The following BACH2 variants were observed in gnomAD, a reference collection of about 807,000 sequenced individuals.
BACH2 encodes BACH transcriptional regulator 2.
In BACH2, 5 loss-of-function variants were observed where a neutral mutation model predicts 61.8. The ratio of observed to expected loss-of-function variants is 0.08; its 90% CI spans 0.04 to 0.17. The LOEUF (loss-of-function observed/expected upper bound fraction) is 0.17. BACH2 is among the 10% of genes least tolerant of loss of function. The probability of loss-of-function intolerance (pLI) is 1.00; values close to 1 mark genes in which losing one functional copy is unlikely to be tolerated. For synonymous variants in BACH2, 446 were observed against 440.1 expected, an observed-to-expected ratio of 1.01 and a Z score of -0.17; for missense variants, 824 against 1,091.1, an observed-to-expected ratio of 0.76 and a Z score of 3.45.
chr6:90,009,068 C>G (rs1777566663), intron 5 of BACH2, among the ~76,000 whole-genome samples: 1 of 152,188 alleles, frequency 6.6e-6, no homozygotes, highest in Admixed American at 6.5e-5. Flanking sequence ...AGTTCCACAG[C>G]TGACTTTTAT....
intron 3 of BACH2, among the ~76,000 whole-genome samples, chr6:90,223,886 T>G (rs1313704428): frequency 6.6e-6 from 1 of 152,204 alleles, no homozygotes; most frequent in East Asian, 1.9e-4. Context: ...TAACACTATC[T>G]GAATCTCTGC....
rs546665187 is a variant in BACH2, at chr6:90,019,419, T to C, written c.-12-10563A>G. ...GACCAGGCATGTTTGGGGCTTTTGG[T>C]TTAGCTCCAGCATTGACCAACTTTG... On this transcript the variant is annotated intron_variant, in intron 5 of 8. Coordinates refer to ENST00000257749, the MANE Select transcript of BACH2 (RefSeq NM_021813.4). Among the ~76,000 whole-genome samples, 418 of 152,296 alleles carry C rather than the reference T, an allele frequency of 2.7e-3. 3 individuals are homozygous for C. Among genetic ancestry groups the C allele is most frequent in the Non-Finnish European group, 2.4e-3 (161 of 68,030 alleles).
chr6:90,188,760 G>GAAAAAAAAAAA (rs57618295), intron 4 of BACH2, among the ~76,000 whole-genome samples: 2 of 78,750 alleles, frequency 2.5e-5, no homozygotes, highest in African/African-American at 4.6e-5. Context: ...GCCCCAAAAT[G>GAAAAAAAAAAA]AAAAAAAAAA....
At chr6:90,230,653 T>C (rs551489846) in intron 3 of BACH2, among the ~76,000 whole-genome samples, 3 of 152,328 alleles carry the variant, frequency 2.0e-5, no homozygotes, top group East Asian at 1.9e-4. Flanking sequence ...CCACTAACAA[T>C]GAACGGTACT....
Position 90,235,972 on chromosome 6 carries a change from GAACT to G in BACH2, c.-275+16537_-275+16540del, listed in dbSNP as rs573061815. Among the ~76,000 whole-genome samples, 26 of 152,314 alleles carry G rather than the reference GAACT, an allele frequency of 1.7e-4. No homozygotes were observed. In the South Asian group the frequency reaches 4.8e-3, roughly 28 times the overall value. ...TCTTGCAAGTCACATCTCTCAAAAA[GAACT>G]AATAAAACTGATTTTGGTCCTGTGG... On this transcript the variant is annotated intron_variant, in intron 3 of 8. Transcript: ENST00000257749.
chr6:90,202,395 G>T (rs1391746750), intron 4 of BACH2, among the ~76,000 whole-genome samples: 1 of 152,192 alleles, frequency 6.6e-6, no homozygotes, highest in Non-Finnish European at 1.5e-5. Flanking sequence ...ACCTGGGACA[G>T]TAGGATGTGG....
At chr6:90,171,473 T>C (rs1446986151) in intron 4 of BACH2, among the ~76,000 whole-genome samples, 1 of 150,816 alleles carries the variant, frequency 6.6e-6, no homozygotes, top group Non-Finnish European at 1.5e-5. Flanking sequence ...AGAAATTACA[T>C]ATCCATGTGC....
intron 4 of BACH2, among the ~76,000 whole-genome samples, chr6:90,191,022 G>A (rs2127844656): frequency 6.6e-6 from 1 of 152,352 alleles, no homozygotes; most frequent in South Asian, 2.1e-4. Context: ...AAGGTGAAGT[G>A]TTTCAAGAGG....
intron 4 of BACH2, among the ~76,000 whole-genome samples, chr6:90,164,603 A>G (rs1275965778): frequency 6.6e-6 from 1 of 152,226 alleles, no homozygotes; most frequent in Non-Finnish European, 1.5e-5. Context: ...TGGCAGAGTC[A>G]CAACCAAAAA....
At chr6:89,933,014 G>A (rs1772769235) in intron 8 of BACH2, 124 bp from the exon 9 acceptor site, 1 of 1,120,030 alleles carries the variant, frequency 8.9e-7, no homozygotes, top group Non-Finnish European at 1.2e-6. Flanking sequence ...AGAATGACTA[G>A]GTCAGGCTCT....
At chr6:90,290,675 T>A (rs939833922) in intron 1 of BACH2, among the ~76,000 whole-genome samples, 1 of 152,228 alleles carries the variant, frequency 6.6e-6, no homozygotes. Flanking sequence ...AATCATCACA[T>A]TGGGATCTCC....
At chr6:90,146,311 T>A (rs959812283) in intron 4 of BACH2, among the ~76,000 whole-genome samples, 1 of 152,218 alleles carries the variant, frequency 6.6e-6, no homozygotes, top group African/African-American at 2.4e-5. Flanking sequence ...CCACATCTGT[T>A]AATTGAGCAC....
intron 4 of BACH2, among the ~76,000 whole-genome samples, chr6:90,090,445 T>C (rs1689503734): frequency 6.6e-6 from 1 of 152,064 alleles, no homozygotes. Context: ...TTCAGCAGCA[T>C]GAATGCCTGG....
At chr6:90,249,327 A>G (rs933516905) in intron 3 of BACH2, among the ~76,000 whole-genome samples, 1 of 152,184 alleles carries the variant, frequency 6.6e-6, no homozygotes, top group Non-Finnish European at 1.5e-5. Context: ...GCTTCCTGTC[A>G]TCTTCCTCCC....
intron 4 of BACH2, among the ~76,000 whole-genome samples, chr6:90,100,860 A>G (rs1281358443): frequency 2.0e-5 from 3 of 152,162 alleles, no homozygotes; most frequent in Non-Finnish European, 2.9e-5. Flanking sequence ...GTAGCAGGAC[A>G]ATCCCACCAG....
intron 1 of BACH2, among the ~76,000 whole-genome samples, chr6:90,284,821 T>C (rs1296498454): frequency 6.6e-6 from 1 of 152,186 alleles, no homozygotes. Flanking sequence ...TTGCACTGTG[T>C]TATTATTAGA....
chr6:90,166,656 A>C (rs1767628865), intron 4 of BACH2, among the ~76,000 whole-genome samples: 1 of 152,206 alleles, frequency 6.6e-6, no homozygotes, highest in Non-Finnish European at 1.5e-5. Flanking sequence ...GAACCAACCC[A>C]AATGTCCAAC....
At chr6:90,133,677 G>T (rs1320166548) in intron 4 of BACH2, among the ~76,000 whole-genome samples, 1 of 152,088 alleles carries the variant, frequency 6.6e-6, no homozygotes, top group Non-Finnish European at 1.5e-5. Flanking sequence ...ATCTCCTAAT[G>T]CTATCCCTCC....
At position 90,052,430 on chromosome 6, in the gene BACH2, T is replaced by C. The variant is rs997499182; in HGVS notation, c.-13+36531A>G. On this transcript the variant is annotated intron_variant, in intron 5 of 8. Coordinates refer to ENST00000257749, the MANE Select transcript of BACH2 (RefSeq NM_021813.4). ...GTCTTTTATCTATCTATCTATCTAT[T>C]TATTTTTGAGACAGGGTCTTTCTCT... Among the ~76,000 whole-genome samples, 3 of 151,918 alleles carry C rather than the reference T, an allele frequency of 2.0e-5. No homozygotes were observed. The South Asian group carries it at 6.2e-4, about 31-fold the overall frequency.
Sources: allele counts gnomAD v4.1 joint callset (sites outside exome capture counted in the v4.1 genomes callset), GRCh38; gene constraint gnomAD v4.1.1; transcripts MANE v1.5; gene names NCBI Gene and HGNC (gene_info 2026-07-23, HGNC 2026-07-21).